The following PDE7A variants were observed in gnomAD, a reference collection of about 807,000 sequenced individuals.
PDE7A encodes high affinity 3',5'-cyclic-AMP phosphodiesterase 7A.
In PDE7A, 39 loss-of-function variants were observed where a neutral mutation model predicts 64.3. The ratio of observed to expected loss-of-function variants is 0.61; its 90% CI spans 0.47 to 0.79. The LOEUF (loss-of-function observed/expected upper bound fraction) is 0.79, where lower values mean the gene tolerates loss of function less well. Among genes scored for constraint, PDE7A ranks in the 30% least tolerant of loss-of-function variants. The pLI, the probability that PDE7A is intolerant of heterozygous loss-of-function variation, is 0.00. For synonymous variants in PDE7A, 203 were observed against 206.8 expected, an observed-to-expected ratio of 0.98 and a Z score of 0.16; for missense variants, 470 against 582.8, an observed-to-expected ratio of 0.81 and a Z score of 1.99.
intron 1 of PDE7A, among the ~76,000 whole-genome samples, chr8:65,813,933 C>A (rs1810316428): frequency 6.6e-6 from 1 of 152,196 alleles, no homozygotes; most frequent in Non-Finnish European, 1.5e-5. Context: ...TCATAAACAC[C>A]TGCATATTTT....
At chr8:65,777,261 T>TA (rs1469221551) in intron 3 of PDE7A, among the ~76,000 whole-genome samples, 1 of 151,960 alleles carries the variant, frequency 6.6e-6, no homozygotes, top group East Asian at 1.9e-4. Context: ...GTATTTTTAG[T>TA]AGAGACGGGG....
Position 65,723,592 on chromosome 8 carries a change from C to T in PDE7A, c.1192G>A (p.Val398Met). The part of the protein sequence containing the change: ...GDIEKKYHLG[V>M]SPLCDRHTES... ...GTGTGACGATCGCAAAGTGGACTCA[C>T]ACCCAAATGATATTTTTTTTCTATA... The change falls in exon 12 of 13, where the codon GTG becomes ATG. Residue 398 changes from valine to methionine, a missense_variant. By Grantham distance (21) the Val-to-Met change is conservative. Coordinates refer to ENST00000401827, the MANE Select transcript of PDE7A (RefSeq NM_001242318.3). 4 of 1,579,138 alleles carry T rather than the reference C, an allele frequency of 2.5e-6. No individual in the cohort carries two copies. The East Asian group carries it at 6.9e-5, about 27-fold the overall frequency.
rs1806093842 is a variant in PDE7A, at chr8:65,715,414, G to A, written c.*3876C>T. Among the ~76,000 whole-genome samples, 1 of 147,286 alleles carries A rather than the reference G, an allele frequency of 6.8e-6. No homozygotes were observed. The highest frequency in any genetic ancestry group is 6.8e-5 in the Admixed American group (1 of 14,708). ...TTTTTTTGAGACAGAGTCTTGCTCTGTCACCTAGGCTGGAGTGCAGTAGCA... is the reference window on the plus strand; with the variant it reads ...TTTTTTTGAGACAGAGTCTTGCTCTATCACCTAGGCTGGAGTGCAGTAGCA... On this transcript the variant is annotated 3_prime_UTR_variant, in exon 13 of 13. Transcript: ENST00000401827.
chr8:65,756,678 T>C (rs1339702022), intron 3 of PDE7A, among the ~76,000 whole-genome samples: 1 of 152,254 alleles, frequency 6.6e-6, no homozygotes, highest in Admixed American at 6.5e-5. Context: ...CCATGTTTTC[T>C]TTTAGTTCAG....
At chr8:65,783,307 C>T (rs1585914737) in intron 1 of PDE7A, among the ~76,000 whole-genome samples, 1 of 152,322 alleles carries the variant, frequency 6.6e-6, no homozygotes, top group East Asian at 1.9e-4. Flanking sequence ...CCTCCAAAGG[C>T]TCTCCATCAC....
rs188433734 is a variant in PDE7A, at chr8:65,763,287, A to G, written c.284-15484T>C. Among the ~76,000 whole-genome samples, 245 of 152,268 alleles carry G rather than the reference A, an allele frequency of 1.6e-3. 1 individual carries two copies. Among genetic ancestry groups the G allele is most frequent in the Admixed American group, 3.2e-3 (49 of 15,300 alleles). On this transcript the variant is annotated intron_variant, in intron 3 of 12. Coordinates refer to ENST00000401827, the MANE Select transcript of PDE7A (RefSeq NM_001242318.3). ...AGACATAAAACCCTATAAAAAGGTT[A>G]CATACGGTGGCTCACGCCTGTTAAT... is the stretch of plus-strand genomic sequence containing the variant.
intron 6 of PDE7A, among the ~76,000 whole-genome samples, chr8:65,739,011 C>T (rs1807275165): frequency 6.6e-6 from 1 of 152,230 alleles, no homozygotes; most frequent in Non-Finnish European, 1.5e-5. Flanking sequence ...TGGCCACTTG[C>T]TGCATGCAGA....
chr8:65,738,832 A>G (rs1807267141), intron 6 of PDE7A, among the ~76,000 whole-genome samples: 1 of 152,266 alleles, frequency 6.6e-6, no homozygotes, highest in African/African-American at 2.4e-5. Context: ...TTTAGCCTTC[A>G]AAAATTTAGA....
intron 7 of PDE7A, among the ~76,000 whole-genome samples, chr8:65,734,274 C>T (rs1585842134): frequency 6.6e-6 from 1 of 152,296 alleles, no homozygotes; most frequent in South Asian, 2.1e-4. Context: ...TTCACCACCA[C>T]ATCCTGTTCA....
intron 4 of PDE7A, among the ~76,000 whole-genome samples, chr8:65,746,578 C>G (rs561251854): frequency 6.6e-6 from 1 of 152,084 alleles, no homozygotes; most frequent in Non-Finnish European, 1.5e-5. Context: ...TTAACCTGAA[C>G]CTTTTGTGGA....
intron 7 of PDE7A, among the ~76,000 whole-genome samples, chr8:65,730,168 C>CTTTT (rs1563473710): frequency 3.5e-4 from 11 of 31,664 alleles, no homozygotes; most frequent in African/African-American, 2.0e-3. Flanking sequence ...AGGTTGCGCA[C>CTTTT]TTCTTTTTTT....
rs185689933 is a variant in PDE7A at position 65,814,033 on chromosome 8, C to G, written c.138+27338G>C. Among the ~76,000 whole-genome samples the G allele has an allele frequency of 3.0e-3, 454 of 152,092 alleles. 1 individual carries two copies. Among genetic ancestry groups the G allele is most frequent in the Middle Eastern group, 0.01 (3 of 294 alleles). On this transcript the variant is annotated intron_variant, in intron 1 of 12. Coordinates refer to ENST00000401827, the MANE Select transcript of PDE7A (RefSeq NM_001242318.3). ...GTCAGGAGCAACATTTGAGTGCAAA[C>G]TAATTTTAAAAGTGGTATTTTCATT...
intron 1 of PDE7A, among the ~76,000 whole-genome samples, chr8:65,825,785 T>C (rs767028272): frequency 1.3e-5 from 2 of 152,146 alleles, no homozygotes; most frequent in Non-Finnish European, 2.9e-5. Flanking sequence ...TGATGTACAC[T>C]AGGGACACAG....
Position 65,719,213 on chromosome 8 carries a change from A to T in PDE7A, c.*77T>A. The T allele has an allele frequency of 1.1e-6, 1 of 943,844 alleles. No individual in the cohort carries two copies. The highest frequency in any genetic ancestry group is 1.7e-6 in the Non-Finnish European group (1 of 579,098). The allele number at this position is 943,844 out of a possible 1,614,324, so 58.5% of individuals were successfully genotyped here. A position where few individuals can be genotyped will look rare whatever the true frequency, so the allele number is the denominator to read the frequency against. On this transcript the variant is annotated 3_prime_UTR_variant, in exon 13 of 13. Coordinates refer to ENST00000401827, the MANE Select transcript of PDE7A (RefSeq NM_001242318.3). ...TTGGAAACCTTGGCAGTCAAGAGTT[A>T]AGTTCTCTCACCTCAAGACCCCATT...
At chr8:65,761,219 C>T (rs1222466062) in intron 3 of PDE7A, among the ~76,000 whole-genome samples, 2 of 152,152 alleles carry the variant, frequency 1.3e-5, no homozygotes, top group Non-Finnish European at 2.9e-5. Context: ...GCACGCACCA[C>T]CATGCCCAGC....
At chr8:65,830,784 T>C (rs1427626626) in intron 1 of PDE7A, among the ~76,000 whole-genome samples, 9 of 152,098 alleles carry the variant, frequency 5.9e-5, no homozygotes, top group East Asian at 1.9e-4. Context: ...TGAGTGACCA[T>C]TAAAATAAAG....
rs376045290 is a variant in PDE7A at position 65,716,148 on chromosome 8, CA to C, written c.*3141del. ...CCTAGTTAGCAGCGAGACCCTGTCT[CA>C]AAAAAAAAAAAAAACAAAAGGGCTA... is the stretch of plus-strand genomic sequence containing the variant. On this transcript the variant is annotated 3_prime_UTR_variant, in exon 13 of 13. Coordinates refer to ENST00000401827, the MANE Select transcript of PDE7A (RefSeq NM_001242318.3). Among the ~76,000 whole-genome samples, 200 of 88,566 alleles carry C rather than the reference CA, an allele frequency of 2.3e-3. No individual in the cohort carries two copies. The highest frequency in any genetic ancestry group is 3.0e-3 in the African/African-American group (70 of 23,726). 58.1% of individuals were successfully genotyped at this position (88,566 alleles called of 152,430 possible). A position where few individuals can be genotyped will look rare whatever the true frequency, so the allele number is the denominator to read the frequency against.
chr8:65,787,219 T>C (rs1809582903), intron 1 of PDE7A, among the ~76,000 whole-genome samples: 1 of 152,186 alleles, frequency 6.6e-6, no homozygotes, highest in Non-Finnish European at 1.5e-5. Flanking sequence ...CTGTGCTCCT[T>C]GTGCCAAAAA....
intron 3 of PDE7A, among the ~76,000 whole-genome samples, chr8:65,750,498 GTGTGTC>G (rs142287336): frequency 0.082 from 11,791 of 144,296 alleles, 935 homozygotes; most frequent in East Asian, 0.42. Flanking sequence ...GTGTGTGTGT[GTGTGTC>G]TGTGTGTGTC....
Sources: gnomAD v4.1 joint callset for allele counts (sites outside exome capture counted in the v4.1 genomes callset) on GRCh38, gnomAD v4.1.1 for gene constraint, MANE v1.5 for transcripts, NCBI Gene and HGNC (gene_info 2026-07-23, HGNC 2026-07-21) for gene names.